NCAM2: variants seen among roughly 807,000 people sequenced by gnomAD.
The protein encoded by NCAM2 is N-CAM-2.
A neutral mutation model predicts 98.1 loss-of-function variants in NCAM2; 30 were observed. The observed-to-expected ratio is 0.31, with a 90% CI of 0.23 to 0.41. NCAM2 has a LOEUF of 0.41. Ranked by LOEUF, NCAM2 falls within the 10% of genes least tolerant of loss-of-function variation. The pLI is 1.00. For synonymous variants in NCAM2, 368 were observed against 342.4 expected (o/e 1.07, Z -0.83); for missense variants, 867 against 1,005.8 (o/e 0.86, Z 1.87).
intron 1 of NCAM2, among the ~76,000 whole-genome samples, chr21:21,030,716 G>A (rs947859826): frequency 1.3e-5 from 2 of 152,184 alleles, no homozygotes; most frequent in African/African-American, 4.8e-5. Flanking sequence ...GAGGTAAGTT[G>A]GAGAATGTAT....
intron 1 of NCAM2, among the ~76,000 whole-genome samples, chr21:21,215,748 C>T (rs201025272): frequency 3.7e-5 from 2 of 53,584 alleles, no homozygotes; most frequent in East Asian, 9.9e-4. Context: ...AATAAATAAA[C>T]AGAGTAAACG....
intron 12 of NCAM2, among the ~76,000 whole-genome samples, chr21:21,445,302 A>G (rs1011226592): frequency 1.3e-5 from 2 of 152,156 alleles, no homozygotes; most frequent in Non-Finnish European, 2.9e-5. Flanking sequence ...AGAAGAATGA[A>G]TATTATGATG....
At chr21:21,357,697 G>T (rs60984526) in intron 8 of NCAM2, among the ~76,000 whole-genome samples, 3,231 of 151,888 alleles carry the variant, frequency 0.021, 97 homozygotes, top group African/African-American at 0.074. Context: ...TTACTTATAT[G>T]AGGAATTTTA....
At chr21:21,504,844 A>G (rs1394066876) in intron 15 of NCAM2, among the ~76,000 whole-genome samples, 3 of 151,724 alleles carry the variant, frequency 2.0e-5, no homozygotes, top group African/African-American at 7.3e-5. Context: ...GGGGTACATG[A>G]CAACTTTTGA....
At chr21:21,000,721 C>T (rs769506753) in intron 1 of NCAM2, among the ~76,000 whole-genome samples, 4 of 151,916 alleles carry the variant, frequency 2.6e-5, no homozygotes, top group Non-Finnish European at 4.4e-5. Context: ...ATCAGAGAGA[C>T]GTAGCTTTTG....
At chr21:21,326,354 A>C (rs1238756891) in intron 6 of NCAM2, among the ~76,000 whole-genome samples, 4 of 152,180 alleles carry the variant, frequency 2.6e-5, no homozygotes, top group African/African-American at 9.7e-5. Context: ...TCCCATCTTT[A>C]GGATAATATT....
intron 15 of NCAM2, among the ~76,000 whole-genome samples, chr21:21,478,425 G>A (rs1333246441): frequency 6.6e-6 from 1 of 151,774 alleles, no homozygotes; most frequent in Non-Finnish European, 1.5e-5. Context: ...AACTGGAAAA[G>A]AAAACTAGCT....
At chr21:21,420,966 G>A (rs559792255) in intron 11 of NCAM2, among the ~76,000 whole-genome samples, 11 of 151,798 alleles carry the variant, frequency 7.2e-5, no homozygotes, top group African/African-American at 2.7e-4. Flanking sequence ...CAAGCCTTTG[G>A]AAATTATGCA....
intron 1 of NCAM2, among the ~76,000 whole-genome samples, chr21:21,074,624 G>A (rs111938063): frequency 0.015 from 2,208 of 152,230 alleles, 45 homozygotes; most frequent in African/African-American, 0.05. Context: ...ATGGGAGTCG[G>A]GTTTGGCAGG....
intron 1 of NCAM2, among the ~76,000 whole-genome samples, chr21:21,216,775 C>G (rs1053520637): frequency 6.6e-6 from 1 of 152,296 alleles, no homozygotes; most frequent in East Asian, 1.9e-4. Context: ...ATGAGGATTT[C>G]TTTCCTCTGA....
At chr21:21,488,833 AATAAAGATAAACTATAAT>A (rs1343723811) in intron 15 of NCAM2, among the ~76,000 whole-genome samples, 4 of 152,002 alleles carry the variant, frequency 2.6e-5, no homozygotes, top group Non-Finnish European at 4.4e-5. Flanking sequence ...TCACTCACTG[AATAAAGATAAACTATAAT>A]ATTGATCATA....
At chr21:21,088,810 A>C (rs1316419839) in intron 1 of NCAM2, among the ~76,000 whole-genome samples, 1 of 151,808 alleles carries the variant, frequency 6.6e-6, no homozygotes, top group African/African-American at 2.4e-5. Context: ...TCTACTAAAA[A>C]TACAAAAAAA....
chr21:21,103,133 T>TCTC (rs1053875189), intron 1 of NCAM2, among the ~76,000 whole-genome samples: 3 of 152,026 alleles, frequency 2.0e-5, no homozygotes, highest in Non-Finnish European at 4.4e-5. Flanking sequence ...CTGTAGAAAG[T>TCTC]CCAAGTTTTA....
At chr21:21,297,448 G>A (rs928621812) in intron 5 of NCAM2, among the ~76,000 whole-genome samples, 1 of 151,626 alleles carries the variant, frequency 6.6e-6, no homozygotes, top group Non-Finnish European at 1.5e-5. Context: ...CTGAGTAAAT[G>A]CTTTCCTCAT....
At chr21:21,136,160 G>A (rs2067045580) in intron 1 of NCAM2, among the ~76,000 whole-genome samples, 1 of 152,106 alleles carries the variant, frequency 6.6e-6, no homozygotes, top group African/African-American at 2.4e-5. Context: ...GCAACATTAG[G>A]GGTCACTCTG....
At chr21:21,042,358 A>G (rs2064923578) in intron 1 of NCAM2, among the ~76,000 whole-genome samples, 1 of 151,952 alleles carries the variant, frequency 6.6e-6, no homozygotes, top group South Asian at 2.1e-4. Flanking sequence ...CTAATTTTGT[A>G]TTTTTAGTAG....
At chr21:21,507,462 G>GTTAA (rs908623405) in intron 15 of NCAM2, among the ~76,000 whole-genome samples, 2 of 152,042 alleles carry the variant, frequency 1.3e-5, no homozygotes, top group African/African-American at 4.8e-5. Flanking sequence ...TGAACATGCA[G>GTTAA]TTATTATGCT....
chr21:21,067,261 C>T (rs1344076378), intron 1 of NCAM2, among the ~76,000 whole-genome samples: 3 of 151,682 alleles, frequency 2.0e-5, no homozygotes, highest in African/African-American at 7.3e-5. Context: ...ATTAAAAATG[C>T]GTTACTAAAA....
intron 1 of NCAM2, among the ~76,000 whole-genome samples, chr21:21,217,506 C>A (rs542441203): frequency 3.2e-3 from 486 of 152,196 alleles, no homozygotes; most frequent in Non-Finnish European, 5.6e-3. Context: ...GAAAAAAAAT[C>A]TTAAAAACTA....
Sources: gnomAD v4.1 joint callset for allele counts (sites outside exome capture counted in the v4.1 genomes callset) on GRCh38, gnomAD v4.1.1 for gene constraint, MANE v1.5 for transcripts, NCBI Gene and HGNC (gene_info 2026-07-23, HGNC 2026-07-21) for gene names.